The following SCML2 variants were observed in gnomAD, a reference collection of about 807,000 sequenced individuals.
SCML2 encodes the protein Scm polycomb group protein like 2, also known as sex comb on midleg-like protein 2.
In SCML2, 6 loss-of-function variants were observed where a neutral mutation model predicts 48.4. The ratio of observed to expected loss-of-function variants is 0.12; its 90% CI spans 0.07 to 0.24. The LOEUF (loss-of-function observed/expected upper bound fraction) is 0.24. Among genes scored for constraint, SCML2 ranks in the 10% least tolerant of loss-of-function variants. The pLI is 1.00. For missense variants in SCML2, 377 were observed against 528.2 expected (o/e 0.71, Z 2.81); for synonymous variants, 181 against 189.5 (o/e 0.95, Z 0.37).
chrX:18,310,692 C>A (rs1437187819), intron 6 of SCML2, among the ~76,000 whole-genome samples: 1 of 110,831 alleles, frequency 9.0e-6, no homozygotes, highest in Non-Finnish European at 1.9e-5. Context: ...CTCAAGCAGT[C>A]CTCCTGCCTC....
intron 7 of SCML2, among the ~76,000 whole-genome samples, chrX:18,281,119 TAAAACTAA>T (rs1927825636): frequency 3.0e-5 from 3 of 100,023 alleles, no homozygotes; most frequent in Non-Finnish European, 6.3e-5. Flanking sequence ...CAAGTCTCAA[TAAAACTAA>T]AAAAAACTGA....
chrX:18,345,809 G>A (rs1366495525), intron 1 of SCML2, among the ~76,000 whole-genome samples: 1 of 109,897 alleles, frequency 9.1e-6, no homozygotes, highest in African/African-American at 3.3e-5. Flanking sequence ...CTGACCTCCC[G>A]GCCTTAAGTG....
At chrX:18,314,819 T>C (rs925372172) in intron 6 of SCML2, among the ~76,000 whole-genome samples, 1 of 111,584 alleles carries the variant, frequency 9.0e-6, no homozygotes, top group African/African-American at 3.3e-5. Context: ...CCGGACACAG[T>C]GGCTCACACC....
rs911587769 is a variant in SCML2, at chrX:18,305,154, T to C, written c.548A>G (p.Lys183Arg). The change falls in exon 7 of 15, where the codon AAA becomes AGA. Residue 183 changes from lysine to arginine, a missense_variant. Lys to Arg is a conservative substitution (Grantham distance 26). Transcript: ENST00000251900. ...AGGACAGATGAGATACGGGTTCTTT[T>C]TGTCAATAGCTTCCAGTTTCATCCC... ...KVGMKLEAID[K>R]KNPYLICPAT... 37 of 1,207,280 alleles carry C rather than the reference T, an allele frequency of 3.1e-5. No individual in the cohort carries two copies. The highest frequency in any genetic ancestry group is 4.1e-5 in the Non-Finnish European group (37 of 893,707).
chrX:18,277,039 C>T (rs1343723905), intron 7 of SCML2, among the ~76,000 whole-genome samples: 1 of 110,448 alleles, frequency 9.1e-6, no homozygotes, highest in African/African-American at 3.3e-5. Flanking sequence ...AAAAAACCAA[C>T]CTTGGGATAA....
At position 18,246,731 on chromosome X, in the gene SCML2, A is replaced by T; in HGVS notation, c.1668T>A (p.Asn556Lys). The T allele has an allele frequency of 8.3e-7, 1 of 1,208,900 alleles. No homozygotes were observed. The highest frequency in any genetic ancestry group is 1.1e-6 in the Non-Finnish European group (1 of 893,214). The change falls in exon 13 of 15, where the codon AAT (asparagine) becomes AAA (lysine). Residue 556 changes from asparagine to lysine, a missense_variant. Physicochemically the swap from Asn to Lys is moderately conservative, Grantham distance 94 (BLOSUM62 0). Transcript: ENST00000251900. ...SSSLNSGNYL[N>K]PACRNPMYIH... Reference sequence around the variant, plus strand: ...TATACATAGGATTTCTACAGGCAGGATTCAAATAATTTCCTGAATTTAGTG... The same window carrying T: ...TATACATAGGATTTCTACAGGCAGGTTTCAAATAATTTCCTGAATTTAGTG...
chrX:18,352,794 G>A (rs753110346), intron 1 of SCML2, among the ~76,000 whole-genome samples: 1 of 111,776 alleles, frequency 8.9e-6, no homozygotes, highest in East Asian at 2.8e-4. Flanking sequence ...TGAACGTTAT[G>A]ACACTATCAA....
Position 18,246,169 on chromosome X carries a change from G to A in SCML2, c.1822+408C>T, listed in dbSNP as rs752888308. ...GGCTGTGGTAACAAGATGCCAGCCCGAATCCAGGAGTCAACACAGGCTGAG... is the reference window on the plus strand; with the variant it reads ...GGCTGTGGTAACAAGATGCCAGCCCAAATCCAGGAGTCAACACAGGCTGAG... On this transcript the variant is annotated intron_variant, in intron 13 of 14. Coordinates refer to ENST00000251900, the MANE Select transcript of SCML2 (RefSeq NM_006089.3). Among the ~76,000 whole-genome samples the A allele has an allele frequency of 2.7e-5, 3 of 112,389 alleles. No individual in the cohort carries two copies. In the South Asian group the frequency reaches 1.1e-3, roughly 42 times the overall value.
intron 6 of SCML2, among the ~76,000 whole-genome samples, chrX:18,309,953 C>A (rs189573368): frequency 3.9e-4 from 44 of 111,593 alleles, no homozygotes; most frequent in African/African-American, 1.3e-3. Flanking sequence ...CAAAAAAAAT[C>A]AAGTGTCCAT....
intron 7 of SCML2, among the ~76,000 whole-genome samples, chrX:18,268,884 TTC>T (rs1927352081): frequency 1.8e-5 from 2 of 111,490 alleles, no homozygotes; most frequent in African/African-American, 6.5e-5. Context: ...CAATTATCTC[TTC>T]TCTCCTCAAT....
intron 14 of SCML2, 27 bp downstream of exon 14, chrX:18,242,412 G>A: frequency 8.6e-7 from 1 of 1,168,905 alleles, no homozygotes; most frequent in Non-Finnish European, 1.1e-6. Context: ...CATTACGGCA[G>A]GAAAACCGGA....
intron 7 of SCML2, among the ~76,000 whole-genome samples, chrX:18,293,382 C>A (rs1928296120): frequency 9.0e-6 from 1 of 111,197 alleles, no homozygotes; most frequent in African/African-American, 3.3e-5. Context: ...TGGGTGAACG[C>A]CAACTACAAG....
chrX:18,344,456 A>T (rs1685556316), intron 1 of SCML2, among the ~76,000 whole-genome samples: 1 of 111,881 alleles, frequency 8.9e-6, no homozygotes, highest in African/African-American at 3.2e-5. Flanking sequence ...AGGGAGAAAT[A>T]AGGAGTGATA....
intron 1 of SCML2, among the ~76,000 whole-genome samples, chrX:18,351,190 A>G (rs1370499990): frequency 9.1e-6 from 1 of 110,042 alleles, no homozygotes; most frequent in East Asian, 2.9e-4. Flanking sequence ...AAATTGCTTG[A>G]ACGCAGGAAG....
At chrX:18,341,300 C>A in intron 1 of SCML2, 1 of 511,702 alleles carries the variant, frequency 2.0e-6, no homozygotes, top group Non-Finnish European at 3.1e-6. Flanking sequence ...GAACACCCTG[C>A]TGACCAAAGA....
chrX:18,310,783 G>T (rs1365333036), intron 6 of SCML2, among the ~76,000 whole-genome samples: 1 of 109,682 alleles, frequency 9.1e-6, no homozygotes, highest in African/African-American at 3.3e-5. Flanking sequence ...CTACAATATG[G>T]TTCTCCTTAA....
chrX:18,302,457 G>A (rs1204714894), intron 7 of SCML2, among the ~76,000 whole-genome samples: 1 of 110,987 alleles, frequency 9.0e-6, no homozygotes, highest in Non-Finnish European at 1.9e-5. Context: ...CATGTGCACT[G>A]GAAACAACTG....
intron 7 of SCML2, among the ~76,000 whole-genome samples, chrX:18,291,473 G>A (rs1928232172): frequency 8.9e-6 from 1 of 111,757 alleles, no homozygotes; most frequent in South Asian, 3.7e-4. Flanking sequence ...AAGTTTTAAA[G>A]TAAATTAAAC....
intron 6 of SCML2, among the ~76,000 whole-genome samples, chrX:18,318,948 T>C (rs1300990844): frequency 8.9e-6 from 1 of 111,801 alleles, no homozygotes; most frequent in Non-Finnish European, 1.9e-5. Context: ...TTCAAAGAGG[T>C]AATTAAGTTA....
Sources: allele counts gnomAD v4.1 joint callset (sites outside exome capture counted in the v4.1 genomes callset), GRCh38; gene constraint gnomAD v4.1.1; transcripts MANE v1.5; gene names NCBI Gene and HGNC (gene_info 2026-07-23, HGNC 2026-07-21).